The following RANBP17 variants were observed in gnomAD, a reference collection of about 807,000 sequenced individuals.
The protein encoded by RANBP17 is ran-binding protein 17.
RANBP17 carries 158 observed loss-of-function variants against 141.2 expected under a neutral mutation model. The ratio of observed to expected loss-of-function variants is 1.12; its 90% CI spans 0.98 to 1.28. The LOEUF is 1.28. RANBP17 is among the 50% of genes most tolerant of loss of function. The probability of loss-of-function intolerance (pLI) is 0.00; values close to 1 mark genes in which losing one functional copy is unlikely to be tolerated. For missense variants in RANBP17, 1,438 were observed against 1,290.7 expected, an observed-to-expected ratio of 1.11 and a Z score of -1.75; for synonymous variants, 430 against 450.0, an observed-to-expected ratio of 0.96 and a Z score of 0.56.
At chr5:171,234,083 T>G (rs968108949) in intron 22 of RANBP17, among the ~76,000 whole-genome samples, 1 of 152,062 alleles carries the variant, frequency 6.6e-6, no homozygotes, top group Non-Finnish European at 1.5e-5. Context: ...CACACACATC[T>G]TAAGTACCAG....
intron 14 of RANBP17, among the ~76,000 whole-genome samples, chr5:171,123,466 C>G (rs1046147014): frequency 2.6e-5 from 4 of 152,204 alleles, no homozygotes; most frequent in Non-Finnish European, 4.4e-5. Flanking sequence ...GGTGGTTGCC[C>G]TTCCACTGCT....
At position 171,087,700 on chromosome 5, in the gene RANBP17, TCCC is replaced by T. The variant is rs1375321581; in HGVS notation, c.1711-82429_1711-82427del. ...TAGTTAGCTCTTCTTGTTGAATTGA[TCCC>T]TTTACCATTATGTAATGGCCTTCTT... is the stretch of plus-strand genomic sequence containing the variant. On this transcript the variant is annotated intron_variant, in intron 14 of 27. Coordinates refer to ENST00000523189, the MANE Select transcript of RANBP17 (RefSeq NM_022897.5). Among the ~76,000 whole-genome samples, 389 of 151,380 alleles carry T rather than the reference TCCC, an allele frequency of 2.6e-3. 1 individual carries two copies. Among genetic ancestry groups the T allele is most frequent in the African/African-American group, 9.2e-3 (379 of 41,244 alleles).
At chr5:171,266,142 ACAGT>A (rs777188223) in intron 25 of RANBP17, among the ~76,000 whole-genome samples, 1 of 152,134 alleles carries the variant, frequency 6.6e-6, no homozygotes, top group African/African-American at 2.4e-5. Context: ...GGAACTGGAA[ACAGT>A]CAGCCTCTGA....
intron 14 of RANBP17, among the ~76,000 whole-genome samples, chr5:170,992,148 C>A (rs760702008): frequency 1.5e-4 from 23 of 151,972 alleles, no homozygotes; most frequent in Non-Finnish European, 3.1e-4. Flanking sequence ...CTGCTTCTCC[C>A]CTCAGTTGCT....
intron 14 of RANBP17, among the ~76,000 whole-genome samples, chr5:171,008,694 C>T (rs755215143): frequency 1.8e-4 from 28 of 152,108 alleles, no homozygotes; most frequent in Admixed American, 2.0e-4. Context: ...TCATCAGTTA[C>T]GGTGGGGCAA....
intron 24 of RANBP17, among the ~76,000 whole-genome samples, chr5:171,247,065 A>T (rs916339670): frequency 6.6e-6 from 1 of 152,226 alleles, no homozygotes; most frequent in African/African-American, 2.4e-5. Context: ...TATTTTCATT[A>T]TACAGATGAG....
intron 22 of RANBP17, among the ~76,000 whole-genome samples, chr5:171,226,156 A>G (rs954034243): frequency 6.6e-6 from 1 of 152,220 alleles, no homozygotes; most frequent in African/African-American, 2.4e-5. Flanking sequence ...ATTTTTGGTT[A>G]AAATGTTGCA....
intron 14 of RANBP17, among the ~76,000 whole-genome samples, chr5:171,069,334 G>GTC (rs1784500536): frequency 6.6e-6 from 1 of 152,196 alleles, no homozygotes. Flanking sequence ...GTCTGGAAGT[G>GTC]ATAGTTGCTG....
intron 14 of RANBP17, among the ~76,000 whole-genome samples, chr5:171,019,350 A>G (rs1302292291): frequency 6.6e-6 from 1 of 151,628 alleles, no homozygotes; most frequent in Non-Finnish European, 1.5e-5. Flanking sequence ...TCCTTTTTGT[A>G]CCTCTGGTAG....
At chr5:171,230,250 A>G (rs1210276389) in intron 22 of RANBP17, among the ~76,000 whole-genome samples, 1 of 152,170 alleles carries the variant, frequency 6.6e-6, no homozygotes, top group African/African-American at 2.4e-5. Context: ...AGAGAAGGCA[A>G]TATTTCTTGA....
At chr5:170,900,669 C>G (rs759343861) in intron 5 of RANBP17, among the ~76,000 whole-genome samples, 30 of 152,164 alleles carry the variant, frequency 2.0e-4, no homozygotes, top group Admixed American at 3.3e-4. Flanking sequence ...AAATTTCCCT[C>G]TAAACACTGC....
intron 14 of RANBP17, among the ~76,000 whole-genome samples, chr5:171,065,262 G>A (rs1189946083): frequency 1.3e-5 from 2 of 152,004 alleles, no homozygotes; most frequent in Non-Finnish European, 2.9e-5. Context: ...TTGGCACTAG[G>A]GACCAGGTTC....
intron 27 of RANBP17, among the ~76,000 whole-genome samples, chr5:171,297,832 T>C (rs1768910208): frequency 7.0e-6 from 1 of 143,186 alleles, no homozygotes; most frequent in African/African-American, 2.6e-5. Context: ...TGCCTCAAAC[T>C]GACCCAATAA....
intron 14 of RANBP17, among the ~76,000 whole-genome samples, chr5:171,015,753 G>A (rs190607385): frequency 9.9e-4 from 151 of 152,112 alleles, no homozygotes; most frequent in Non-Finnish European, 2.0e-3. Flanking sequence ...TTTATTATGC[G>A]AAACTAGAAA....
At chr5:171,015,674 T>C (rs1241734415) in intron 14 of RANBP17, among the ~76,000 whole-genome samples, 1 of 152,148 alleles carries the variant, frequency 6.6e-6, no homozygotes, top group Non-Finnish European at 1.5e-5. Context: ...CTATAAATAT[T>C]TTTGAGATTT....
At position 171,259,220 on chromosome 5, in the gene RANBP17, CA is replaced by C. The variant is rs549466532; in HGVS notation, c.2777-6460del. 2.4e-3 allele frequency among the ~76,000 whole-genome samples: 367 copies of C among 152,206 alleles called. 1 individual carries two copies. Among genetic ancestry groups the C allele is most frequent in the Non-Finnish European group, 3.8e-3 (259 of 67,996 alleles). ...CTATTATTAAAAAGGCAAAAAAGAG[CA>C]GATGTTGTCAAGGATGCAGAGAAAA... On this transcript the variant is annotated intron_variant, in intron 24 of 27. Coordinates refer to ENST00000523189, the MANE Select transcript of RANBP17 (RefSeq NM_022897.5).
chr5:171,243,950 C>T (rs535486580), intron 24 of RANBP17, among the ~76,000 whole-genome samples: 41 of 151,832 alleles, frequency 2.7e-4, no homozygotes, highest in Middle Eastern at 3.4e-3. Flanking sequence ...TGATGGTGGG[C>T]GCATATAATC....
chr5:171,251,954 G>A, intron 24 of RANBP17: 1 of 1,609,326 alleles, frequency 6.2e-7, no homozygotes, highest in Admixed American at 1.7e-5. Context: ...GGGAATACCT[G>A]CTACTGCAAT....
chr5:171,152,808 A>G (rs1290812045), intron 14 of RANBP17, among the ~76,000 whole-genome samples: 1 of 152,236 alleles, frequency 6.6e-6, no homozygotes, highest in East Asian at 1.9e-4. Flanking sequence ...ATGATGATAA[A>G]CCTTCTATGT....
Sources: allele counts gnomAD v4.1 joint callset (sites outside exome capture counted in the v4.1 genomes callset), GRCh38; gene constraint gnomAD v4.1.1; transcripts MANE v1.5; gene names NCBI Gene and HGNC (gene_info 2026-07-23, HGNC 2026-07-21).